RREB1: variants seen among roughly 807,000 people sequenced by gnomAD.
RREB1 encodes the protein ras-responsive element-binding protein 1.
Under a neutral mutation model 117.8 loss-of-function variants are expected in RREB1, and 27 were observed. The observed-to-expected ratio is 0.23, with a 90% confidence interval of 0.17 to 0.32. The LOEUF is 0.32. Ranked by LOEUF, RREB1 falls within the 10% of genes least tolerant of loss-of-function variation. The pLI is 1.00. For missense variants in RREB1, 2,577 were observed against 2,378.2 expected, an observed-to-expected ratio of 1.08 and a Z score of -1.74; for synonymous variants, 1,298 against 1,026.7, an observed-to-expected ratio of 1.26 and a Z score of -5.05.
At chr6:7,181,790 A>G in intron 3 of RREB1, 80 bp from the exon 4 acceptor site, 1 of 951,380 alleles carries the variant, frequency 1.1e-6, no homozygotes, top group Non-Finnish European at 1.7e-6. Context: ...TTACAATTAG[A>G]GTAGCCATGG....
At chr6:7,134,916 T>A (rs1010308341) in intron 1 of RREB1, among the ~76,000 whole-genome samples, 2 of 152,262 alleles carry the variant, frequency 1.3e-5, no homozygotes, top group Non-Finnish European at 2.9e-5. Flanking sequence ...CACCTGTTCA[T>A]ACACTGAACG....
In RREB1 at chr6:7,154,848, C is replaced by T. The variant is rs149705962; in HGVS notation, c.-284-21807C>T. ...TGAATGGAGACAGTCTGTCAGAGTT[C>T]GCAGGAAGTGTGGTGTGCTGGTGAC... On this transcript the variant is annotated intron_variant, in intron 1 of 12. Transcript: ENST00000379938. 1.8e-4 allele frequency among the ~76,000 whole-genome samples: 27 copies of T among 152,226 alleles called. 2 individuals carry two copies. The highest frequency in any genetic ancestry group is 6.2e-4 in the South Asian group (3 of 4,810).
chr6:7,176,154 G>T (rs773853498), intron 1 of RREB1, among the ~76,000 whole-genome samples: 2 of 152,258 alleles, frequency 1.3e-5, no homozygotes, highest in Admixed American at 6.5e-5. Context: ...TGAGCTAAAC[G>T]ATCTGCTCAG....
chr6:7,130,642 A>G (rs533895253), intron 1 of RREB1, among the ~76,000 whole-genome samples: 1 of 148,380 alleles, frequency 6.7e-6, no homozygotes, highest in South Asian at 2.1e-4. Context: ...TTCGAGATGG[A>G]GTCTTGCTCT....
At position 7,153,029 on chromosome 6, in the gene RREB1, A is replaced by G. The variant is rs149387601; in HGVS notation, c.-284-23626A>G. On this transcript the variant is annotated intron_variant, in intron 1 of 12. Coordinates refer to ENST00000379938, the MANE Select transcript of RREB1 (RefSeq NM_001003699.4). The stretch of plus-strand genomic sequence containing the variant: ...TGAATTTTGTAGTCTTAAGTTGTTA[A>G]TTGAGGTGTTCTGGATTGTAATGTG... Among the ~76,000 whole-genome samples, 582 of 150,370 alleles carry G rather than the reference A, an allele frequency of 3.9e-3. 2 individuals carry two copies. The highest frequency in any genetic ancestry group is 0.013 in the African/African-American group (550 of 40,862).
chr6:7,245,175 C>T (rs1388851335), intron 11 of RREB1, among the ~76,000 whole-genome samples: 2 of 152,066 alleles, frequency 1.3e-5, no homozygotes, highest in Admixed American at 6.5e-5. Flanking sequence ...GTGGGTAGAT[C>T]GCCTGAGGTC....
chr6:7,232,759 T>G (rs1319446021), intron 10 of RREB1, among the ~76,000 whole-genome samples: 2 of 125,594 alleles, frequency 1.6e-5, no homozygotes, highest in Admixed American at 7.9e-5. Context: ...CCTTTTTTCT[T>G]TTTCTTTTTT....
chr6:7,247,885 T>C (rs935924951), intron 12 of RREB1, among the ~76,000 whole-genome samples: 1 of 152,198 alleles, frequency 6.6e-6, no homozygotes, highest in Non-Finnish European at 1.5e-5. Flanking sequence ...CTGTCCCTCC[T>C]CTCAGCCGCA....
rs1444179442 is a variant in RREB1, at chr6:7,246,510, G to A, written c.4060G>A (p.Ala1354Thr). ...GGACAGAGAGCAGCCGTCGGAGGGC[G>A]CCACTGAGCTCCGCCAGGTCGCAGG... ...SRDREQPSEG[A>T]TELRQVAGDA... is the part of the protein sequence containing the mutation. The change falls in exon 12 of 13, where the codon GCC (alanine) becomes ACC (threonine). Residue 1354 changes from alanine (A) to threonine (T), a missense_variant. Transcript: ENST00000379938. 4 of 1,545,614 alleles carry A rather than the reference G, an allele frequency of 2.6e-6. No individual in the cohort carries two copies. Among genetic ancestry groups the A allele is most frequent in the Non-Finnish European group, 3.5e-6 (4 of 1,145,358 alleles).
chr6:7,209,045 C>T (rs1285265682), intron 6 of RREB1, among the ~76,000 whole-genome samples: 7 of 152,102 alleles, frequency 4.6e-5, no homozygotes, highest in Admixed American at 4.6e-4. Context: ...CCTACTAGGC[C>T]CTCAACTAAG....
At chr6:7,121,752 G>A (rs113275380) in intron 1 of RREB1, among the ~76,000 whole-genome samples, 10 of 151,760 alleles carry the variant, frequency 6.6e-5, no homozygotes, top group African/African-American at 1.9e-4. Flanking sequence ...TTTCTACTAC[G>A]TTAATTAACT....
At chr6:7,155,094 A>G (rs1024197240) in intron 1 of RREB1, among the ~76,000 whole-genome samples, 2 of 152,210 alleles carry the variant, frequency 1.3e-5, no homozygotes, top group Non-Finnish European at 2.9e-5. Context: ...GTTCAGTCGC[A>G]CTAGAAGAAT....
At chr6:7,189,514 G>A (rs1360020675) in intron 6 of RREB1, among the ~76,000 whole-genome samples, 192 bp downstream of exon 6, 3 of 152,182 alleles carry the variant, frequency 2.0e-5, no homozygotes. Flanking sequence ...GGCAAGGTCT[G>A]TGGCCCTTCA....
intron 2 of RREB1, among the ~76,000 whole-genome samples, chr6:7,178,025 G>A (rs894242190): frequency 1.3e-5 from 2 of 151,886 alleles, no homozygotes; most frequent in Admixed American, 6.6e-5. Context: ...GCCCGGCCCC[G>A]GCTGATTTTT....
intron 6 of RREB1, among the ~76,000 whole-genome samples, chr6:7,207,604 T>C (rs988901669): frequency 6.6e-6 from 1 of 152,192 alleles, no homozygotes; most frequent in Non-Finnish European, 1.5e-5. Flanking sequence ...GTGCCAGCCA[T>C]GTGCCCTGAG....
chr6:7,241,332 G>C (rs1026926807), intron 11 of RREB1, among the ~76,000 whole-genome samples: 1 of 152,060 alleles, frequency 6.6e-6, no homozygotes, highest in African/African-American at 2.4e-5. Context: ...GACTGCTGGG[G>C]TTCTCCATCC....
chr6:7,233,799 C>T (rs1768140687), intron 10 of RREB1, among the ~76,000 whole-genome samples: 1 of 152,102 alleles, frequency 6.6e-6, no homozygotes, highest in Admixed American at 6.5e-5. Flanking sequence ...AAGGATGTTT[C>T]TCCTAGATGA....
At chr6:7,233,296 C>T (rs2113132274) in intron 10 of RREB1, among the ~76,000 whole-genome samples, 1 of 152,266 alleles carries the variant, frequency 6.6e-6, no homozygotes, top group African/African-American at 2.4e-5. Context: ...TCAGGTGCTT[C>T]TAGTATATAA....
chr6:7,118,113 A>G (rs949351908), intron 1 of RREB1, among the ~76,000 whole-genome samples: 1 of 152,160 alleles, frequency 6.6e-6, no homozygotes, highest in African/African-American at 2.4e-5. Flanking sequence ...TCTTCAATAC[A>G]GAAAATAGTT....
Sources: gnomAD v4.1 joint callset for allele counts (sites outside exome capture counted in the v4.1 genomes callset) on GRCh38, gnomAD v4.1.1 for gene constraint, MANE v1.5 for transcripts, NCBI Gene and HGNC (gene_info 2026-07-23, HGNC 2026-07-21) for gene names.